The following TRAPPC10 variants were observed in gnomAD, a reference collection of about 807,000 sequenced individuals.
The protein encoded by TRAPPC10 is TRAPP 130 kDa subunit.
Under a neutral mutation model 125.5 loss-of-function variants are expected in TRAPPC10, and 23 were observed. The observed-to-expected ratio is 0.18, with a 90% confidence interval of 0.13 to 0.26. The LOEUF (loss-of-function observed/expected upper bound fraction) is 0.26. TRAPPC10 is among the 10% of genes least tolerant of loss of function. The probability of loss-of-function intolerance (pLI) is 1.00; values close to 1 mark genes in which losing one functional copy is unlikely to be tolerated. For synonymous variants in TRAPPC10, 509 were observed against 518.0 expected (o/e 0.98, Z 0.24); for missense variants, 1,123 against 1,308.4 (o/e 0.86, Z 2.19).
intron 3 of TRAPPC10, among the ~76,000 whole-genome samples, chr21:44,042,831 T>A (rs2034511950): frequency 6.6e-6 from 1 of 152,192 alleles, no homozygotes; most frequent in Non-Finnish European, 1.5e-5. Flanking sequence ...AACTTACAGT[T>A]TTTATGGAGT....
rs987309397 is a variant in TRAPPC10 at position 44,026,778 on chromosome 21, C to T, written c.68-5313C>T. On this transcript the variant is annotated intron_variant, in intron 1 of 22. Transcript: ENST00000291574. ...GTCCAGTCACTCCGCTGCTTTTAGT[C>T]GCAACTGGGAGATGACCCAGCCCAT... 3.3e-5 allele frequency among the ~76,000 whole-genome samples: 5 copies of T among 152,300 alleles called. No homozygotes were observed. In the South Asian group the frequency reaches 6.2e-4, roughly 19 times the overall value.
intron 9 of TRAPPC10, among the ~76,000 whole-genome samples, chr21:44,075,400 C>G (rs2037201789): frequency 6.6e-6 from 1 of 152,120 alleles, no homozygotes; most frequent in Non-Finnish European, 1.5e-5. Context: ...TTCTCCTGGG[C>G]TTAAGGGACT....
chr21:44,047,330 GC>G (rs1198994720), intron 3 of TRAPPC10, among the ~76,000 whole-genome samples: 4 of 152,076 alleles, frequency 2.6e-5, no homozygotes, highest in Non-Finnish European at 5.9e-5. Context: ...ATAGGCGTGT[GC>G]CACCGTACCC....
chr21:44,013,961 A>G (rs542942457), intron 1 of TRAPPC10, among the ~76,000 whole-genome samples: 17 of 152,232 alleles, frequency 1.1e-4, no homozygotes, highest in Admixed American at 2.6e-4. Flanking sequence ...CCCAGTGCTC[A>G]GGGAAGATGA....
At chr21:44,052,614 C>T in intron 4 of TRAPPC10, 138 bp downstream of exon 4, 1 of 784,284 alleles carries the variant, frequency 1.3e-6, no homozygotes, top group Non-Finnish European at 2.0e-6. Flanking sequence ...GACCTGGTGC[C>T]TGTCCTTGTG....
chr21:44,056,490 C>A (rs1207048559), intron 5 of TRAPPC10, among the ~76,000 whole-genome samples: 1 of 152,110 alleles, frequency 6.6e-6, no homozygotes, highest in Non-Finnish European at 1.5e-5. Flanking sequence ...CAGGTACATA[C>A]CACCTGAATG....
In TRAPPC10 at chr21:44,087,257, C is replaced by T. The variant is rs2038202929; in HGVS notation, c.2539+297C>T. Among the ~76,000 whole-genome samples the T allele has an allele frequency of 6.6e-6, 1 of 152,182 alleles. No homozygotes were observed. The highest frequency in any genetic ancestry group is 2.4e-5 in the African/African-American group (1 of 41,440). On this transcript the variant is annotated intron_variant, in intron 16 of 22. Coordinates refer to ENST00000291574, the MANE Select transcript of TRAPPC10 (RefSeq NM_003274.5). The surrounding 1 kb of genome is among the most constrained non-coding windows in gnomAD (Gnocchi z 4.6). Reference sequence around the variant, plus strand: ...GGTGATGCCTGCCAGACCCTGTCCCCCTTGGGCTGGCCCTGCTCCCGAGAA... The same window carrying T: ...GGTGATGCCTGCCAGACCCTGTCCCTCTTGGGCTGGCCCTGCTCCCGAGAA...
At chr21:44,045,773 G>A (rs2034753173) in intron 3 of TRAPPC10, among the ~76,000 whole-genome samples, 1 of 151,980 alleles carries the variant, frequency 6.6e-6, no homozygotes, top group Non-Finnish European at 1.5e-5. Context: ...GGCCAGGCTA[G>A]TCTCGAGCTC....
intron 1 of TRAPPC10, among the ~76,000 whole-genome samples, chr21:44,031,016 C>T (rs905803743): frequency 6.6e-6 from 1 of 152,154 alleles, no homozygotes; most frequent in African/African-American, 2.4e-5. Context: ...ATGATCTCCC[C>T]AGGTGCAGTC....
intron 1 of TRAPPC10, among the ~76,000 whole-genome samples, chr21:44,016,679 G>C (rs933511323): frequency 6.6e-6 from 1 of 152,088 alleles, no homozygotes; most frequent in Non-Finnish European, 1.5e-5. Context: ...TATTTTTTGA[G>C]ACGGAGTCTT....
At chr21:44,015,634 A>G (rs1018417367) in intron 1 of TRAPPC10, among the ~76,000 whole-genome samples, 24 of 147,120 alleles carry the variant, frequency 1.6e-4, no homozygotes, top group African/African-American at 5.8e-4. Flanking sequence ...TTTCTGTCTG[A>G]GACAGAGTCT....
intron 9 of TRAPPC10, 109 bp downstream of exon 9, chr21:44,075,262 C>A: frequency 1.3e-6 from 1 of 757,778 alleles, no homozygotes; most frequent in Non-Finnish European, 2.2e-6. Flanking sequence ...TATTACTCAC[C>A]ATTTGGAAAA....
chr21:44,013,723 C>T (rs1438714404), intron 1 of TRAPPC10, among the ~76,000 whole-genome samples: 1 of 152,132 alleles, frequency 6.6e-6, no homozygotes, highest in Non-Finnish European at 1.5e-5. Flanking sequence ...TCCTCTCCTC[C>T]TCTCTCTTTT....
rs993822814 is a variant in TRAPPC10, at chr21:44,063,483, C to G, written c.791-55C>G. Reference sequence around the variant, plus strand: ...CACCATCCTCAGCCTGAGCAGGAAGCTCAGGAAGGTGAAGTACCTGCAATC... The same window carrying G: ...CACCATCCTCAGCCTGAGCAGGAAGGTCAGGAAGGTGAAGTACCTGCAATC... On this transcript the variant is annotated intron_variant, in intron 6 of 22. Coordinates refer to ENST00000291574, the MANE Select transcript of TRAPPC10 (RefSeq NM_003274.5). This position sits in a 1 kb window ranked among gnomAD's most constrained non-coding sequence, Gnocchi z 4.4. The G allele has an allele frequency of 1.9e-6, 3 of 1,589,784 alleles. No individual in the cohort carries two copies. In the African/African-American group the frequency reaches 4.0e-5, roughly 21 times the overall value.
chr21:44,063,854 TC>T lies in TRAPPC10; in HGVS notation c.1038+72del, dbSNP rs1252242170. 6.5e-7 allele frequency: 1 copy of T among 1,549,604 alleles called. No homozygotes were observed. The highest frequency in any genetic ancestry group is 8.7e-7 in the Non-Finnish European group (1 of 1,151,136). ...CAGCAGAAATCTCTGAACCTTGAGA[TC>T]CCAGGCATTGAACTGTTTGTGCTTA... On this transcript the variant is annotated intron_variant, in intron 7 of 22. Coordinates refer to ENST00000291574, the MANE Select transcript of TRAPPC10 (RefSeq NM_003274.5). This position sits in a 1 kb window ranked among gnomAD's most constrained non-coding sequence, Gnocchi z 4.4.
rs767157215 is a variant in TRAPPC10, at chr21:44,079,692, G to A, written c.1598G>A (p.Gly533Glu). 10 of 1,605,148 alleles carry A rather than the reference G, an allele frequency of 6.2e-6. No individual in the cohort carries two copies. In the South Asian group the frequency reaches 1.0e-4, roughly 16 times the overall value. Reference sequence around the variant, plus strand: ...CTGGCCGAATGTCAAAAGCACCTTGGACAAATTGAAAAGTATCCTTTAATG... The same window carrying A: ...CTGGCCGAATGTCAAAAGCACCTTGAACAAATTGAAAAGTATCCTTTAATG... ...KQLAECQKHLGQIENYLQTSS... is the reference protein window; with the variant it reads ...KQLAECQKHLEQIENYLQTSS... The change falls in exon 12 of 23, where the codon GGA (glycine) becomes GAA (glutamate). Residue 533 changes from glycine to glutamate, a missense_variant. Gly to Glu is a moderately conservative substitution (Grantham distance 98). Around this residue, in one of 4 missense-constraint regions of TRAPPC10, gnomAD observed 840 missense variants for 902.0 expected, o/e 0.93. Coordinates refer to ENST00000291574, the MANE Select transcript of TRAPPC10 (RefSeq NM_003274.5).
chr21:44,012,846 G>A (rs934368487), intron 1 of TRAPPC10, among the ~76,000 whole-genome samples: 2 of 151,996 alleles, frequency 1.3e-5, no homozygotes, highest in African/African-American at 2.4e-5. Context: ...GCGCGCGCCG[G>A]CGTCGAGGGC....
intron 14 of TRAPPC10, among the ~76,000 whole-genome samples, chr21:44,083,748 T>C (rs547697054): frequency 3.3e-5 from 5 of 152,242 alleles, no homozygotes; most frequent in Non-Finnish European, 7.3e-5. Flanking sequence ...CAGGATATCC[T>C]GTAAGTTCCA....
intron 6 of TRAPPC10, among the ~76,000 whole-genome samples, chr21:44,060,481 C>T (rs1382481241): frequency 6.6e-6 from 1 of 152,102 alleles, no homozygotes; most frequent in Non-Finnish European, 1.5e-5. Context: ...GGGTTTTCAC[C>T]ATGTTAGCCA....
Sources: gnomAD v4.1 joint callset for allele counts (sites outside exome capture counted in the v4.1 genomes callset) on GRCh38, gnomAD v4.1.1 for gene constraint, gnomAD v4.1.1 regional missense constraint, Gnocchi (gnomAD v3.1) non-coding constraint, MANE v1.5 for transcripts, NCBI Gene and HGNC (gene_info 2026-07-23, HGNC 2026-07-21) for gene names.